TBC1D9: variants seen among roughly 807,000 people sequenced by gnomAD.
The protein encoded by TBC1D9 is TBC1 domain family member 9.
In TBC1D9, 63 loss-of-function variants were observed where a neutral mutation model predicts 132.0. That is an observed-to-expected ratio of 0.48 (90% CI 0.39 to 0.59). The LOEUF (loss-of-function observed/expected upper bound fraction) is 0.59, where lower values mean the gene tolerates loss of function less well. TBC1D9 is among the 20% of genes least tolerant of loss of function. TBC1D9 has a pLI of 0.00. For synonymous variants in TBC1D9, 610 were observed against 609.9 expected (o/e 1.00, Z 0.00); for missense variants, 1,261 against 1,592.7 (o/e 0.79, Z 3.54).
At chr4:140,625,822 A>G (rs541107077) in intron 18 of TBC1D9, among the ~76,000 whole-genome samples, 2 of 152,336 alleles carry the variant, frequency 1.3e-5, no homozygotes, top group South Asian at 4.1e-4. Context: ...ATATACATAT[A>G]TCTGTGGTGT....
In TBC1D9 at chr4:140,621,848, T is replaced by C. The variant is rs1376413393; in HGVS notation, c.*347A>G. 1 of 175,412 alleles carries C rather than the reference T, an allele frequency of 5.7e-6. No individual in the cohort carries two copies. The highest frequency in any genetic ancestry group is 2.4e-5 in the African/African-American group (1 of 42,416). 10.9% of individuals were successfully genotyped at this position (175,412 alleles called of 1,614,324 possible). A position where few individuals can be genotyped will look rare whatever the true frequency, so the allele number is the denominator to read the frequency against. On this transcript the variant is annotated 3_prime_UTR_variant, in exon 21 of 21. Coordinates refer to ENST00000442267, the MANE Select transcript of TBC1D9 (RefSeq NM_015130.3). The stretch of plus-strand genomic sequence containing the variant: ...CAAATGACTGCTGCCTTACTTAGCA[T>C]TAAACAGTACTATTTTTTAAACCAT...
At chr4:140,695,751 C>T (rs1737945413) in intron 2 of TBC1D9, among the ~76,000 whole-genome samples, 1 of 152,186 alleles carries the variant, frequency 6.6e-6, no homozygotes, top group African/African-American at 2.4e-5. Flanking sequence ...AGACAATGGA[C>T]TGGACTCTCT....
At chr4:140,670,141 A>AC (rs1737513253) in intron 7 of TBC1D9, among the ~76,000 whole-genome samples, 1 of 152,124 alleles carries the variant, frequency 6.6e-6, no homozygotes, top group African/African-American at 2.4e-5. Context: ...CAGCCTCATC[A>AC]CCCCATTGAG....
chr4:140,674,694 T>A (rs971458875), intron 6 of TBC1D9, among the ~76,000 whole-genome samples: 74 of 150,346 alleles, frequency 4.9e-4, no homozygotes, highest in African/African-American at 1.7e-3. Context: ...TATATATATT[T>A]TTTTTTAATT....
intron 6 of TBC1D9, among the ~76,000 whole-genome samples, chr4:140,674,245 C>T (rs1456546224): frequency 2.6e-5 from 4 of 152,264 alleles, no homozygotes; most frequent in East Asian, 1.9e-4. Context: ...AAAACTGTTA[C>T]ATTATTCCTG....
chr4:140,658,795 A>T (rs1737311901), intron 11 of TBC1D9, among the ~76,000 whole-genome samples: 1 of 151,598 alleles, frequency 6.6e-6, no homozygotes, highest in Non-Finnish European at 1.5e-5. Flanking sequence ...TGGGCGACAG[A>T]GCGAGATGGT....
intron 1 of TBC1D9, among the ~76,000 whole-genome samples, chr4:140,715,220 CA>C (rs1738316640): frequency 6.6e-6 from 1 of 152,110 alleles, no homozygotes; most frequent in African/African-American, 2.4e-5. Context: ...GCCTGAATTC[CA>C]AAGGAAGGAG....
Position 140,624,356 on chromosome 4 carries a change from C to G in TBC1D9, c.2932G>C (p.Ala978Pro). The change falls in exon 19 of 21, where the codon GCA (alanine) becomes CCA (proline). Residue 978 changes from alanine to proline, a missense_variant. This residue lies in a region of TBC1D9 where 618 missense variants were observed against 724.4 expected (regional missense o/e 0.85). Transcript: ENST00000442267. ...VGLDSRSKQG[A>P]DDGFVTVSLK... is the part of the protein sequence containing the mutation. ...CTCACCGTAACAAAGCCATCATCTG[C>G]ACCCTGTTTGCTTCTGCTATCCAAT... is the stretch of plus-strand genomic sequence containing the variant. The G allele has an allele frequency of 1.2e-6, 2 of 1,613,822 alleles. No homozygotes were observed. Among genetic ancestry groups the G allele is most frequent in the Non-Finnish European group, 1.7e-6 (2 of 1,179,848 alleles).
chr4:140,634,836 C>G (rs1429877861), intron 15 of TBC1D9, among the ~76,000 whole-genome samples: 5 of 152,142 alleles, frequency 3.3e-5, no homozygotes, highest in African/African-American at 1.2e-4. Flanking sequence ...GTGAATAGCT[C>G]TAGAAAAATT....
chr4:140,663,484 G>A lies in TBC1D9; in HGVS notation c.1589-1377C>T, dbSNP rs117161006. On this transcript the variant is annotated intron_variant, in intron 9 of 20. Transcript: ENST00000442267. ...TACAGCCATTACAGAAAACAGTATA[G>A]AGATTCCTTAAACTAAAAATAGAGC... Among the ~76,000 whole-genome samples, 2,971 of 152,290 alleles carry A rather than the reference G, an allele frequency of 0.02. 240 individuals are homozygous for A. The East Asian group carries it at 0.25, about 13-fold the overall frequency.
intron 13 of TBC1D9, among the ~76,000 whole-genome samples, chr4:140,652,754 C>CGATGA (rs2110991855): frequency 6.6e-6 from 1 of 152,288 alleles, no homozygotes; most frequent in African/African-American, 2.4e-5. Context: ...GGCAGGCTCT[C>CGATGA]GATGAGTAAT....
At chr4:140,666,330 T>A (rs1737443009) in intron 9 of TBC1D9, among the ~76,000 whole-genome samples, 1 of 151,930 alleles carries the variant, frequency 6.6e-6, no homozygotes, top group South Asian at 2.1e-4. Context: ...TTCCAAACAG[T>A]TTATATTTAT....
At chr4:140,632,036 G>C (rs1312055870) in intron 16 of TBC1D9, among the ~76,000 whole-genome samples, 2 of 152,308 alleles carry the variant, frequency 1.3e-5, no homozygotes, top group East Asian at 3.9e-4. Context: ...CTGGGGTATA[G>C]TTTACTTTGC....
rs34469042 is a variant in TBC1D9 at position 140,744,879 on chromosome 4, T to TA, written c.130+11036dup. Among the ~76,000 whole-genome samples the TA allele has an allele frequency of 6.8e-3, 729 of 107,480 alleles. 4 individuals carry two copies. The highest frequency in any genetic ancestry group is 0.016 in the African/African-American group (446 of 28,054). The allele number at this position is 107,480 out of a possible 152,430, so 70.5% of individuals were successfully genotyped here. ...GCCTGGGTGACAGAGCAAGAGTGTTTAAAAAAAAAAAAAAAAAAAAAAAAA... is the reference window on the plus strand; with the variant it reads ...GCCTGGGTGACAGAGCAAGAGTGTTTAAAAAAAAAAAAAAAAAAAAAAAAAA... On this transcript the variant is annotated intron_variant, in intron 1 of 20. Coordinates refer to ENST00000442267, the MANE Select transcript of TBC1D9 (RefSeq NM_015130.3).
Position 140,657,552 on chromosome 4 carries a change from C to T in TBC1D9, c.2182G>A (p.Gly728Arg). ...VDKLLNCKDD[G>R]EAMTVLGRYL... ...CTTCCCAAAACGGTCATGGCCTCCCCATCATCCTTGCAGTTCAACAGTTTG... is the reference window on the plus strand; with the variant it reads ...CTTCCCAAAACGGTCATGGCCTCCCTATCATCCTTGCAGTTCAACAGTTTG... Residue 728 changes from glycine (G) to arginine (R), a missense_variant, in exon 12 of 21, where the codon GGG (glycine) becomes AGG (arginine). Coordinates refer to ENST00000442267, the MANE Select transcript of TBC1D9 (RefSeq NM_015130.3). 1 of 1,613,860 alleles carries T rather than the reference C, an allele frequency of 6.2e-7. No individual in the cohort carries two copies. The highest frequency in any genetic ancestry group is 8.5e-7 in the Non-Finnish European group (1 of 1,179,816).
chr4:140,664,556 C>A (rs543969245), intron 9 of TBC1D9, among the ~76,000 whole-genome samples: 135 of 152,234 alleles, frequency 8.9e-4, no homozygotes, highest in Admixed American at 1.8e-3. Flanking sequence ...TCACACTTCC[C>A]AATTTTAAAA....
chr4:140,701,965 C>A (rs977343881), intron 1 of TBC1D9, among the ~76,000 whole-genome samples: 1 of 152,196 alleles, frequency 6.6e-6, no homozygotes, highest in African/African-American at 2.4e-5. Flanking sequence ...GGGCACAAAA[C>A]TGAAGAAGAC....
intron 13 of TBC1D9, chr4:140,642,183 G>A: frequency 1.3e-6 from 1 of 761,796 alleles, no homozygotes; most frequent in East Asian, 2.5e-5. Flanking sequence ...CATCAGTTTG[G>A]AGCTAGCCGG....
chr4:140,644,505 G>A (rs1737068988), intron 13 of TBC1D9: 5 of 293,550 alleles, frequency 1.7e-5, no homozygotes, highest in South Asian at 1.1e-4. Context: ...CAGGCGGGGG[G>A]CTTTCGCAGC....
Sources: gnomAD v4.1 joint callset for allele counts (sites outside exome capture counted in the v4.1 genomes callset) on GRCh38, gnomAD v4.1.1 for gene constraint, gnomAD v4.1.1 regional missense constraint, MANE v1.5 for transcripts, NCBI Gene and HGNC (gene_info 2026-07-23, HGNC 2026-07-21) for gene names.